CDH13: variants seen among roughly 807,000 people sequenced by gnomAD.
CDH13 encodes the protein cadherin 13.
A neutral mutation model predicts 63.8 loss-of-function variants in CDH13; 24 were observed. That is an observed-to-expected ratio of 0.38 (90% confidence interval 0.27 to 0.53). The LOEUF is 0.53. Among genes scored for constraint, CDH13 ranks in the 20% least tolerant of loss-of-function variants. The pLI, the probability that CDH13 is intolerant of heterozygous loss-of-function variation, is 0.85. For missense variants in CDH13, 1,049 were observed against 903.1 expected (o/e 1.16, Z -2.07); for synonymous variants, 503 against 355.3 (o/e 1.42, Z -4.67).
At chr16:83,792,584 G>C (rs1916346099) in intron 13 of CDH13, among the ~76,000 whole-genome samples, 1 of 152,178 alleles carries the variant, frequency 6.6e-6, no homozygotes, top group Middle Eastern at 3.2e-3. Context: ...AGTGGATGGA[G>C]GGTAAGGGTG....
chr16:83,003,585 C>T (rs1048943790), intron 2 of CDH13, among the ~76,000 whole-genome samples: 2 of 152,192 alleles, frequency 1.3e-5, no homozygotes, highest in Admixed American at 1.3e-4. Flanking sequence ...AATTGCAAAC[C>T]TCTCAGACTT....
At chr16:82,650,333 A>C (rs1251874071) in intron 1 of CDH13, among the ~76,000 whole-genome samples, 2 of 152,192 alleles carry the variant, frequency 1.3e-5, no homozygotes, top group Non-Finnish European at 2.9e-5. Flanking sequence ...GCTGAGGAGC[A>C]AGGTAGTGAG....
At chr16:83,264,545 T>C (rs986133523) in intron 5 of CDH13, among the ~76,000 whole-genome samples, 1 of 57,292 alleles carries the variant, frequency 1.7e-5, no homozygotes, top group African/African-American at 5.4e-5. Flanking sequence ...TGTGTGTATA[T>C]ATATGTATGT....
intron 1 of CDH13, among the ~76,000 whole-genome samples, chr16:82,751,784 T>C (rs1488452063): frequency 6.6e-6 from 1 of 152,152 alleles, no homozygotes; most frequent in Non-Finnish European, 1.5e-5. Flanking sequence ...CTGCAAATTA[T>C]GTTGCAGGCT....
At chr16:82,687,564 G>C (rs533353074) in intron 1 of CDH13, among the ~76,000 whole-genome samples, 1 of 152,234 alleles carries the variant, frequency 6.6e-6, no homozygotes, top group Non-Finnish European at 1.5e-5. Flanking sequence ...GAACTCCCAT[G>C]TATAAAACCA....
At chr16:83,065,827 G>C (rs2031966530) in intron 3 of CDH13, among the ~76,000 whole-genome samples, 2 of 152,120 alleles carry the variant, frequency 1.3e-5, no homozygotes, top group Admixed American at 1.3e-4. Context: ...GTAGATGGAA[G>C]GGTGCCACAG....
intron 1 of CDH13, among the ~76,000 whole-genome samples, chr16:82,765,524 G>C (rs1312119934): frequency 6.6e-6 from 1 of 152,138 alleles, no homozygotes; most frequent in African/African-American, 2.4e-5. Flanking sequence ...AGCCTTCCTA[G>C]GGCTGGCGTT....
chr16:83,150,189 T>C (rs1019509970), intron 4 of CDH13, among the ~76,000 whole-genome samples: 2 of 152,232 alleles, frequency 1.3e-5, no homozygotes, highest in African/African-American at 2.4e-5. Flanking sequence ...TTTGTGTTGA[T>C]GCTTGCTCCC....
Position 82,675,504 on chromosome 16 carries a change from A to G in CDH13, c.45+48367A>G, listed in dbSNP as rs16958133. On this transcript the variant is annotated intron_variant, in intron 1 of 13. Coordinates refer to ENST00000567109, the MANE Select transcript of CDH13 (RefSeq NM_001257.5). ...AATTAAGGTATTCTCCTCTGGTAGGAAAAGAATTTGACTCCTTGGCCCAGC... is the reference window on the plus strand; with the variant it reads ...AATTAAGGTATTCTCCTCTGGTAGGGAAAGAATTTGACTCCTTGGCCCAGC... Among the ~76,000 whole-genome samples the G allele has an allele frequency of 2.3e-3, 355 of 152,324 alleles. 2 individuals carry two copies. The highest frequency in any genetic ancestry group is 8.2e-3 in the African/African-American group (342 of 41,568).
intron 5 of CDH13, among the ~76,000 whole-genome samples, chr16:83,323,174 TTTTCTTTCTTTCTTTC>T (rs1555530161): frequency 8.5e-5 from 7 of 82,256 alleles, no homozygotes; most frequent in African/African-American, 2.9e-4. Context: ...TCTCTTTCTT[TTTTCTTTCTTTCTTTC>T]TTTCTTTCTT....
intron 7 of CDH13, among the ~76,000 whole-genome samples, chr16:83,534,473 C>G (rs2075145255): frequency 6.6e-6 from 1 of 152,198 alleles, no homozygotes; most frequent in Non-Finnish European, 1.5e-5. Flanking sequence ...ATCAAATAAG[C>G]CATCAAATGT....
Position 82,693,146 on chromosome 16 carries a change from T to C in CDH13, c.45+66009T>C, listed in dbSNP as rs1408533138. On this transcript the variant is annotated intron_variant, in intron 1 of 13. Transcript: ENST00000567109. Reference sequence around the variant, plus strand: ...TCAAAGGAAATGAATCTGCCAGTTATCATGCCATGGACTTTGAGATGAGAC... The same window carrying C: ...TCAAAGGAAATGAATCTGCCAGTTACCATGCCATGGACTTTGAGATGAGAC... 2.6e-5 allele frequency among the ~76,000 whole-genome samples: 4 copies of C among 152,168 alleles called. No individual in the cohort carries two copies. The South Asian group carries it at 6.2e-4, about 24-fold the overall frequency.
chr16:83,731,622 C>T (rs891509165), intron 10 of CDH13, among the ~76,000 whole-genome samples: 1 of 152,132 alleles, frequency 6.6e-6, no homozygotes, highest in Non-Finnish European at 1.5e-5. Flanking sequence ...TCTGTTTATT[C>T]TGTTGATAGT....
chr16:83,116,929 G>A (rs73602274), intron 3 of CDH13, among the ~76,000 whole-genome samples: 8,196 of 152,218 alleles, frequency 0.054, 327 homozygotes, highest in African/African-American at 0.11. Context: ...GGTTCTTCAG[G>A]GAGTGCAGAC....
At chr16:83,679,244 C>G (rs1314862925) in intron 10 of CDH13, among the ~76,000 whole-genome samples, 1 of 152,184 alleles carries the variant, frequency 6.6e-6, no homozygotes, top group Non-Finnish European at 1.5e-5. Context: ...AAAAGATGCC[C>G]TCGTTGGTAC....
intron 6 of CDH13, among the ~76,000 whole-genome samples, chr16:83,434,441 G>A (rs1234893871): frequency 6.6e-6 from 1 of 151,982 alleles, no homozygotes; most frequent in Non-Finnish European, 1.5e-5. Flanking sequence ...TCTATCTCTG[G>A]CGTGGTCCAG....
rs999433677 is a variant in CDH13 at position 83,416,237 on chromosome 16, G to A, written c.782-70240G>A. Among the ~76,000 whole-genome samples the A allele has an allele frequency of 5.9e-5, 9 of 152,218 alleles. No individual in the cohort carries two copies. The East Asian group carries it at 1.7e-3, about 29-fold the overall frequency. On this transcript the variant is annotated intron_variant, in intron 6 of 13. Coordinates refer to ENST00000567109, the MANE Select transcript of CDH13 (RefSeq NM_001257.5). ...CTGAAAACTACAAAACATTGACGAA[G>A]GGAATTTTAAAAGACACAAACAGAT...
At chr16:83,045,620 G>C (rs557250161) in intron 3 of CDH13, among the ~76,000 whole-genome samples, 1 of 115,456 alleles carries the variant, frequency 8.7e-6, no homozygotes, top group South Asian at 3.1e-4. Context: ...CTGGGCGACA[G>C]ATCAAGATTC....
intron 2 of CDH13, among the ~76,000 whole-genome samples, chr16:82,931,588 G>T (rs1346807663): frequency 6.7e-6 from 1 of 150,336 alleles, no homozygotes; most frequent in Non-Finnish European, 1.5e-5. Context: ...TGCTGATAAA[G>T]ACATACCTGA....
Sources: allele counts gnomAD v4.1 joint callset (sites outside exome capture counted in the v4.1 genomes callset), GRCh38; gene constraint gnomAD v4.1.1; transcripts MANE v1.5; gene names NCBI Gene and HGNC (gene_info 2026-07-23, HGNC 2026-07-21).